CRYL1: variants seen among roughly 807,000 people sequenced by gnomAD.
The protein encoded by CRYL1 is crystallin lambda 1.
In CRYL1, 29 loss-of-function variants were observed where a neutral mutation model predicts 36.6. The observed-to-expected ratio is 0.79, with a 90% CI of 0.59 to 1.08. CRYL1 has a LOEUF of 1.08. CRYL1 is among the 50% of genes least tolerant of loss of function. CRYL1 has a pLI of 0.00. For missense variants in CRYL1, 411 were observed against 407.9 expected (o/e 1.01, Z -0.06); for synonymous variants, 152 against 151.5 (o/e 1.00, Z -0.02).
chr13:20,438,143 T>A (rs754823702), intron 4 of CRYL1, among the ~76,000 whole-genome samples: 15 of 152,324 alleles, frequency 9.8e-5, no homozygotes, highest in Non-Finnish European at 1.6e-4. Context: ...CCTCATTCTT[T>A]CCATCGTATG....
At chr13:20,502,000 C>A (rs2137492244) in intron 2 of CRYL1, among the ~76,000 whole-genome samples, 1 of 152,280 alleles carries the variant, frequency 6.6e-6, no homozygotes. Flanking sequence ...ACAATCATGG[C>A]AGGTGTTTCT....
chr13:20,468,916 C>A (rs1351230865), intron 3 of CRYL1, among the ~76,000 whole-genome samples: 1 of 152,070 alleles, frequency 6.6e-6, no homozygotes, highest in African/African-American at 2.4e-5. Flanking sequence ...GCTCCCTTTA[C>A]CTAGTTTTCT....
chr13:20,499,971 C>CT (rs1374889113), intron 2 of CRYL1, among the ~76,000 whole-genome samples: 1 of 152,096 alleles, frequency 6.6e-6, no homozygotes, highest in East Asian at 1.9e-4. Context: ...GGGCTTGTTT[C>CT]TTTGGGGGGA....
chr13:20,488,613 C>T (rs367548774), intron 3 of CRYL1, among the ~76,000 whole-genome samples: 4 of 152,318 alleles, frequency 2.6e-5, no homozygotes, highest in African/African-American at 9.6e-5. Flanking sequence ...AGAGTAACGA[C>T]GTGAAATGTG....
chr13:20,519,194 G>C (rs889506909), intron 1 of CRYL1, among the ~76,000 whole-genome samples: 3 of 151,476 alleles, frequency 2.0e-5, no homozygotes, highest in Admixed American at 1.3e-4. Flanking sequence ...AACTTTAATG[G>C]GGAAGAATAT....
At chr13:20,470,394 A>T (rs1405051637) in intron 3 of CRYL1, among the ~76,000 whole-genome samples, 1 of 152,230 alleles carries the variant, frequency 6.6e-6, no homozygotes, top group African/African-American at 2.4e-5. Flanking sequence ...GGGAAACCAC[A>T]GGGAAGGCAC....
rs995810894 is a variant in CRYL1 at position 20,415,124 on chromosome 13, G to A, written c.634-1737C>T. ...TCCCTACCCCGGGGCACCTCCCCTC[G>A]CCCGCACCCGGCCCCAGTCCCTCCC... On this transcript the variant is annotated intron_variant, in intron 5 of 7. Coordinates refer to ENST00000298248, the MANE Select transcript of CRYL1 (RefSeq NM_015974.3). This position sits in a 1 kb window ranked among gnomAD's most constrained non-coding sequence, Gnocchi z 4.1. Among the ~76,000 whole-genome samples, 2 of 152,086 alleles carry A rather than the reference G, an allele frequency of 1.3e-5. No homozygotes were observed. The highest frequency in any genetic ancestry group is 2.4e-5 in the African/African-American group (1 of 41,428).
At chr13:20,506,055 T>G (rs963712307) in intron 2 of CRYL1, among the ~76,000 whole-genome samples, 9 of 152,146 alleles carry the variant, frequency 5.9e-5, no homozygotes, top group South Asian at 4.1e-4. Context: ...TCTTGCGATG[T>G]AAGAAAGAGA....
chr13:20,460,206 CCAA>C (rs1320004176), intron 3 of CRYL1, among the ~76,000 whole-genome samples: 2 of 143,518 alleles, frequency 1.4e-5, no homozygotes, highest in Non-Finnish European at 2.9e-5. Flanking sequence ...TTTGTTATGA[CCAA>C]CAATACTGTG....
At chr13:20,451,724 G>C (rs1363462446) in intron 3 of CRYL1, among the ~76,000 whole-genome samples, 1 of 152,150 alleles carries the variant, frequency 6.6e-6, no homozygotes, top group Non-Finnish European at 1.5e-5. Context: ...AAGCAGTCTG[G>C]AGATTTCTCA....
In CRYL1 at chr13:20,435,187, C is replaced by A. The variant is rs2032181754; in HGVS notation, c.439-2891G>T. Among the ~76,000 whole-genome samples the A allele has an allele frequency of 6.6e-6, 1 of 152,204 alleles. No individual in the cohort carries two copies. Among genetic ancestry groups the A allele is most frequent in the African/African-American group, 2.4e-5 (1 of 41,430 alleles). On this transcript the variant is annotated intron_variant, in intron 4 of 7. Coordinates refer to ENST00000298248, the MANE Select transcript of CRYL1 (RefSeq NM_015974.3). The surrounding 1 kb of genome is among the most constrained non-coding windows in gnomAD (Gnocchi z 4.0). Reference sequence around the variant, plus strand: ...ATGTCCTTAATGCCTCCAAACTGCACACTTACAAATAGTTAAGACGGTAGA... The same window carrying A: ...ATGTCCTTAATGCCTCCAAACTGCAAACTTACAAATAGTTAAGACGGTAGA...
rs1315148229 is a variant in CRYL1, at chr13:20,525,712, C to T, written c.41+42G>A. The T allele has an allele frequency of 7.5e-6, 10 of 1,335,264 alleles. No individual in the cohort carries two copies. The South Asian group carries it at 1.5e-4, about 20-fold the overall frequency. 82.7% of individuals were successfully genotyped at this position (1,335,264 alleles called of 1,614,324 possible). On this transcript the variant is annotated intron_variant, in intron 1 of 7. Coordinates refer to ENST00000298248, the MANE Select transcript of CRYL1 (RefSeq NM_015974.3). The surrounding 1 kb of genome is among the most constrained non-coding windows in gnomAD (Gnocchi z 4.3). ...CGAGGGCACCACGTCCCCGGCGTCT[C>T]CCCGGGCTCCAGGGGCAGCAGCGCG...
In CRYL1 at chr13:20,420,703, G is replaced by GTTTTTTTTT. The variant is rs2031784049; in HGVS notation, c.634-7317_634-7316insAAAAAAAAA. 1.3e-4 allele frequency among the ~76,000 whole-genome samples: 5 copies of GTTTTTTTTT among 38,770 alleles called. 1 individual carries two copies. The highest frequency in any genetic ancestry group is 4.3e-4 in the African/African-American group (5 of 11,628). 25.4% of individuals were successfully genotyped at this position (38,770 alleles called of 152,430 possible). A position where few individuals can be genotyped will look rare whatever the true frequency, so the allele number is the denominator to read the frequency against. ...TTGACTTTTCTTTAAAATAGAGGTT[G>GTTTTTTTTT]TGTGTGTGTGTGTGTGTGTGTGTGT... On this transcript the variant is annotated intron_variant, in intron 5 of 7. Transcript: ENST00000298248.
chr13:20,497,619 TACCACATACACACAACTACACC>T (rs1231425125), intron 2 of CRYL1, among the ~76,000 whole-genome samples: 1 of 135,818 alleles, frequency 7.4e-6, no homozygotes, highest in Non-Finnish European at 1.6e-5. Context: ...ACTACATACA[TACCACATACACACAACTACACC>T]ACCACATACA....
intron 2 of CRYL1, among the ~76,000 whole-genome samples, chr13:20,494,834 T>C (rs1485773324): frequency 6.6e-6 from 1 of 152,192 alleles, no homozygotes; most frequent in Non-Finnish European, 1.5e-5. Flanking sequence ...GGCTGAGGAA[T>C]GTGCAGTGGT....
Position 20,483,035 on chromosome 13 carries a change from G to A in CRYL1, c.276+6335C>T, listed in dbSNP as rs112194891. 4.4e-3 allele frequency among the ~76,000 whole-genome samples: 674 copies of A among 152,178 alleles called. 3 individuals are homozygous for A. Among genetic ancestry groups the A allele is most frequent in the African/African-American group, 0.014 (577 of 41,514 alleles). On this transcript the variant is annotated intron_variant, in intron 3 of 7. Coordinates refer to ENST00000298248, the MANE Select transcript of CRYL1 (RefSeq NM_015974.3). The stretch of plus-strand genomic sequence containing the variant: ...AGTAGAATGGTGGACACCCGCAGCC[G>A]GCAGTTACCAGGAAGGGGAAGGAGC...
intron 2 of CRYL1, among the ~76,000 whole-genome samples, chr13:20,509,845 G>A (rs1565988875): frequency 6.6e-6 from 1 of 152,142 alleles, no homozygotes; most frequent in Non-Finnish European, 1.5e-5. Context: ...CAGGAGAATC[G>A]CTTGAACCTG....
chr13:20,515,066 T>G (rs1349817520), intron 1 of CRYL1, among the ~76,000 whole-genome samples: 3 of 152,210 alleles, frequency 2.0e-5, no homozygotes, highest in South Asian at 4.1e-4. Flanking sequence ...GACAACATTA[T>G]GCTAAGTGGA....
intron 5 of CRYL1, chr13:20,419,206 G>C (rs988424824): frequency 4.6e-5 from 7 of 152,146 alleles, no homozygotes; most frequent in Non-Finnish European, 7.3e-5. Flanking sequence ...CATGAGCTAG[G>C]GTACTAGACT....
Sources: allele counts gnomAD v4.1 joint callset (sites outside exome capture counted in the v4.1 genomes callset), GRCh38; gene constraint gnomAD v4.1.1; non-coding constraint Gnocchi (gnomAD v3.1); transcripts MANE v1.5; gene names NCBI Gene and HGNC (gene_info 2026-07-23, HGNC 2026-07-21).